Variants in ERC2 observed in about 807,000 individuals in gnomAD.
ERC2 encodes the protein ELKS/RAB6-interacting/CAST family member 2, also known as ERC protein 2.
A neutral mutation model predicts 114.8 loss-of-function variants in ERC2; 42 were observed. The ratio of observed to expected loss-of-function variants is 0.37; its 90% CI spans 0.29 to 0.47. ERC2 has a LOEUF of 0.47. ERC2 is among the 20% of genes least tolerant of loss of function. The pLI, the probability that ERC2 is intolerant of heterozygous loss-of-function variation, is 0.99. For missense variants in ERC2, 939 were observed against 1,150.7 expected, an observed-to-expected ratio of 0.82 and a Z score of 2.66; for synonymous variants, 454 against 425.5, an observed-to-expected ratio of 1.07 and a Z score of -0.82.
intron 6 of ERC2, among the ~76,000 whole-genome samples, chr3:56,090,257 T>A (rs2077713656): frequency 6.6e-6 from 1 of 152,222 alleles, no homozygotes; most frequent in Non-Finnish European, 1.5e-5. Flanking sequence ...TCTTACCCTA[T>A]GCTTGGTTAC....
At chr3:56,438,048 A>G (rs2062106893) in intron 1 of ERC2, among the ~76,000 whole-genome samples, 3 of 152,336 alleles carry the variant, frequency 2.0e-5, no homozygotes, top group South Asian at 2.1e-4. Context: ...ATTTTCTACA[A>G]TTGAAACTGA....
At chr3:55,732,502 C>T (rs2065314851) in intron 15 of ERC2, among the ~76,000 whole-genome samples, 1 of 152,104 alleles carries the variant, frequency 6.6e-6, no homozygotes, top group Non-Finnish European at 1.5e-5. Context: ...AAAAACCAAG[C>T]TCGTCGTAAA....
chr3:55,559,265 C>T (rs2107468703), intron 17 of ERC2, among the ~76,000 whole-genome samples: 1 of 152,340 alleles, frequency 6.6e-6, no homozygotes, highest in South Asian at 2.1e-4. Context: ...GGTTCTCCAA[C>T]TCAGAGGTTC....
At chr3:56,173,310 A>T in intron 4 of ERC2, 136 bp downstream of exon 4, 1 of 792,904 alleles carries the variant, frequency 1.3e-6, no homozygotes, top group East Asian at 2.7e-5. Flanking sequence ...GAAGGTAAAA[A>T]AAATCCAGAA....
intron 1 of ERC2, among the ~76,000 whole-genome samples, chr3:56,459,543 AC>A (rs1209387681): frequency 6.6e-6 from 1 of 152,030 alleles, no homozygotes; most frequent in African/African-American, 2.4e-5. Context: ...ACACACACAC[AC>A]ACACACACAC....
At chr3:55,567,498 A>T in intron 17 of ERC2, among the ~76,000 whole-genome samples, 1 of 152,102 alleles carries the variant, frequency 6.6e-6, no homozygotes, top group East Asian at 1.9e-4. Context: ...GCTTGATCTG[A>T]TTTTCATTTC....
intron 4 of ERC2, among the ~76,000 whole-genome samples, chr3:56,150,051 G>A (rs1329749289): frequency 2.0e-5 from 3 of 152,060 alleles, no homozygotes; most frequent in Non-Finnish European, 2.9e-5. Context: ...TTGACACATC[G>A]AAAACTGACT....
At position 55,734,753 on chromosome 3, in the gene ERC2, T is replaced by A; in HGVS notation, c.2712+18A>T. On this transcript the variant is annotated intron_variant, in intron 15 of 17. Coordinates refer to ENST00000288221, the MANE Select transcript of ERC2 (RefSeq NM_015576.3). ...CCCCAAACCCAGAAAAACACACCTG[T>A]CTTGCAGGAGGCCCCACCTGCTGCT... The A allele has an allele frequency of 6.3e-7, 1 of 1,599,612 alleles. No individual in the cohort carries two copies. Among genetic ancestry groups the A allele is most frequent in the South Asian group, 1.1e-5 (1 of 87,916 alleles).
intron 3 of ERC2, among the ~76,000 whole-genome samples, chr3:56,210,747 T>G (rs553669457): frequency 3.0e-4 from 46 of 152,342 alleles, no homozygotes; most frequent in Non-Finnish European, 6.2e-4. Context: ...TTTGACCAAC[T>G]TTAGTCATCC....
intron 12 of ERC2, among the ~76,000 whole-genome samples, chr3:55,952,851 A>G (rs1022518102): frequency 6.6e-6 from 1 of 152,114 alleles, no homozygotes; most frequent in Admixed American, 6.5e-5. Flanking sequence ...AATCCCAAAG[A>G]AAAAAGCATA....
chr3:56,420,018 T>C (rs1295987525), intron 2 of ERC2, among the ~76,000 whole-genome samples: 1 of 152,200 alleles, frequency 6.6e-6, no homozygotes, highest in African/African-American at 2.4e-5. Flanking sequence ...TATTGATTTC[T>C]ATTGGTCTTA....
At chr3:56,361,733 G>A (rs1409770677) in intron 2 of ERC2, among the ~76,000 whole-genome samples, 1 of 152,252 alleles carries the variant, frequency 6.6e-6, no homozygotes, top group Non-Finnish European at 1.5e-5. Context: ...AAGCCAACTT[G>A]AGTAGTAGAG....
At chr3:55,678,779 C>T (rs1366734959) in intron 17 of ERC2, among the ~76,000 whole-genome samples, 1 of 152,172 alleles carries the variant, frequency 6.6e-6, no homozygotes, top group Admixed American at 6.5e-5. Context: ...CTCAGTGCCC[C>T]CACCACCACC....
At chr3:55,812,989 G>C (rs1000929558) in intron 14 of ERC2, among the ~76,000 whole-genome samples, 1 of 152,254 alleles carries the variant, frequency 6.6e-6, no homozygotes, top group Non-Finnish European at 1.5e-5. Context: ...GCCAGGCACT[G>C]TGTTAAGCAC....
At chr3:55,594,582 T>C (rs779518809) in intron 17 of ERC2, among the ~76,000 whole-genome samples, 3 of 152,088 alleles carry the variant, frequency 2.0e-5, no homozygotes, top group Non-Finnish European at 2.9e-5. Context: ...CCTGGGTTCA[T>C]GTGATTCTCC....
At chr3:55,532,408 G>A (rs1480291854) in intron 17 of ERC2, among the ~76,000 whole-genome samples, 1 of 152,098 alleles carries the variant, frequency 6.6e-6, no homozygotes, top group African/African-American at 2.4e-5. Flanking sequence ...GCTTGTCATG[G>A]GGTACAAAAC....
At chr3:55,902,248 C>T (rs933360495) in intron 13 of ERC2, among the ~76,000 whole-genome samples, 1 of 152,066 alleles carries the variant, frequency 6.6e-6, no homozygotes, top group African/African-American at 2.4e-5. Flanking sequence ...TGAAGTCTTC[C>T]GCTTCAATTT....
chr3:55,954,093 A>T (rs1327360228), intron 12 of ERC2, among the ~76,000 whole-genome samples: 8 of 84,700 alleles, frequency 9.4e-5, no homozygotes, highest in Non-Finnish European at 1.4e-4. Context: ...AAAAAAAAAA[A>T]AAAAAAAAAA....
chr3:56,246,288 C>T (rs13065193), intron 3 of ERC2, among the ~76,000 whole-genome samples: 32,899 of 151,858 alleles, frequency 0.22, 4,511 homozygotes, highest in Non-Finnish European at 0.29. Context: ...GGGGCCTGCC[C>T]TGTGCATTGT....
Sources: allele counts gnomAD v4.1 joint callset (sites outside exome capture counted in the v4.1 genomes callset), GRCh38; gene constraint gnomAD v4.1.1; transcripts MANE v1.5; gene names NCBI Gene and HGNC (gene_info 2026-07-23, HGNC 2026-07-21).